The following HMGCS2 variants were observed in gnomAD, a reference collection of about 807,000 sequenced individuals.
HMGCS2 encodes the protein hydroxymethylglutaryl-CoA synthase, mitochondrial.
HMGCS2 carries 50 observed loss-of-function variants against 57.4 expected under a neutral mutation model. The ratio of observed to expected loss-of-function variants is 0.87; its 90% CI spans 0.69 to 1.10. HMGCS2 has a LOEUF of 1.10. Ranked by LOEUF, HMGCS2 falls within the 50% of genes least tolerant of loss-of-function variation. The pLI, the probability that HMGCS2 is intolerant of heterozygous loss-of-function variation, is 0.00. For synonymous variants in HMGCS2, 254 were observed against 245.1 expected (o/e 1.04, Z -0.34); for missense variants, 627 against 636.5 (o/e 0.99, Z 0.16).
chr1:119,764,019 A>G (rs915865958), intron 2 of HMGCS2, among the ~76,000 whole-genome samples, 153 bp downstream of exon 2: 3 of 152,198 alleles, frequency 2.0e-5, no homozygotes, highest in Non-Finnish European at 4.4e-5. Context: ...ATATAAGTCT[A>G]AGTGGTTATT....
At chr1:119,757,219 C>G (rs931627067) in intron 5 of HMGCS2, 54 bp downstream of exon 5, 18 of 1,612,962 alleles carry the variant, frequency 1.1e-5, no homozygotes, top group Non-Finnish European at 1.4e-5. Flanking sequence ...ATGAAGAAGC[C>G]TCCTTCTTGC....
At position 119,754,058 on chromosome 1, in the gene HMGCS2, ATT is replaced by A. The variant is rs35162300; in HGVS notation, c.1188-674_1188-673del. On this transcript the variant is annotated intron_variant, in intron 6 of 9. Coordinates refer to ENST00000369406, the MANE Select transcript of HMGCS2 (RefSeq NM_005518.4). The stretch of plus-strand genomic sequence containing the variant: ...AGGTGCAAGCTGCCACACCCAGCTA[ATT>A]TTTTTTTTTTTTTTGAGACAGAGTC... Among the ~76,000 whole-genome samples, 722 of 136,652 alleles carry A rather than the reference ATT, an allele frequency of 5.3e-3. 5 individuals are homozygous for A. Among genetic ancestry groups the A allele is most frequent in the East Asian group, 0.028 (132 of 4,648 alleles). The allele number at this position is 136,652 out of a possible 152,430, so 89.6% of individuals were successfully genotyped here. A position where few individuals can be genotyped will look rare whatever the true frequency, so the allele number is the denominator to read the frequency against.
In HMGCS2 at chr1:119,757,449, A is replaced by C; in HGVS notation, c.851-11T>G. 1 of 1,613,930 alleles carries C rather than the reference A, an allele frequency of 6.2e-7. No homozygotes were observed. Among genetic ancestry groups the C allele is most frequent in the South Asian group, 1.1e-5 (1 of 91,078 alleles). On this transcript the variant is annotated splice_polypyrimidine_tract_variant and intron_variant, in intron 4 of 9. Coordinates refer to ENST00000369406, the MANE Select transcript of HMGCS2 (RefSeq NM_005518.4). ...GTCGATCGCTGCCAGCTGGAAGAGG[A>C]AGCGTGAAGGCAAGGATGGGGCATG...
In HMGCS2 at chr1:119,750,827, C is replaced by G. The variant is rs372079931; in HGVS notation, c.1502G>C (p.Arg501Pro). Residue 501 changes from arginine to proline, a missense_variant, in exon 9 of 10, where the codon CGA becomes CCA. Coordinates refer to ENST00000369406, the MANE Select transcript of HMGCS2 (RefSeq NM_005518.4). Reference protein sequence around the residue: ...YLERVDEQHRRKYARRPV With the variant: ...YLERVDEQHRPKYARRPV Reference sequence around the variant, plus strand: ...TTAGACGGGACGCCGGGCATACTTTCGGCGATGCTGCTCGTCCACTCGCTC... The same window carrying G: ...TTAGACGGGACGCCGGGCATACTTTGGGCGATGCTGCTCGTCCACTCGCTC... 5.6e-6 allele frequency: 9 copies of G among 1,613,846 alleles called. No individual in the cohort carries two copies. The highest frequency in any genetic ancestry group is 4.5e-5 in the East Asian group (2 of 44,886).
At position 119,764,249 on chromosome 1, in the gene HMGCS2, T is replaced by A; in HGVS notation, c.482A>T (p.Asp161Val). 1 of 1,614,130 alleles carries A rather than the reference T, an allele frequency of 6.2e-7. No homozygotes were observed. The highest frequency in any genetic ancestry group is 1.3e-5 in the African/African-American group (1 of 75,058). ...ACCACCGTAGCAGGCATTGGTGGTA[T>A]CTATGCCCTCAATATCAGTATTGCC... is the stretch of plus-strand genomic sequence containing the variant. ...DSGNTDIEGI[D>V]TTNACYGGTA... Residue 161 changes from aspartate to valine, a missense_variant, in exon 2 of 10, where the codon GAT (aspartate) becomes GTT (valine). Coordinates refer to ENST00000369406, the MANE Select transcript of HMGCS2 (RefSeq NM_005518.4).
In HMGCS2 at chr1:119,752,657, A is replaced by T. The variant is rs587623606; in HGVS notation, c.1312T>A (p.Leu438Met). 2 of 1,613,942 alleles carry T rather than the reference A, an allele frequency of 1.2e-6. No individual in the cohort carries two copies. The highest frequency in any genetic ancestry group is 2.2e-5 in the East Asian group (1 of 44,892). The change falls in exon 8 of 10, where the codon TTG becomes ATG. Residue 438 changes from leucine (L) to methionine (M), a missense_variant. Leu to Met is a conservative substitution (Grantham distance 15, BLOSUM62 2). Transcript: ENST00000369406. Reference sequence around the variant, plus strand: ...GGCAGGTCTGATGTGCTGGACACCAACTTGTCCAGGGGAGAGCCTGGGAAG... The same window carrying T: ...GGCAGGTCTGATGTGCTGGACACCATCTTGTCCAGGGGAGAGCCTGGGAAG... The part of the protein sequence containing the change: ...DAAPGSPLDK[L>M]VSSTSDLPKR...
intron 8 of HMGCS2, 121 bp from the exon 9 acceptor site, chr1:119,751,029 C>A: frequency 1.4e-6 from 1 of 707,432 alleles, no homozygotes; most frequent in Non-Finnish European, 2.6e-6. Flanking sequence ...CTGTAAGGGG[C>A]TGCAAGGTCA....
rs35851230 is a variant in HMGCS2 at position 119,753,877 on chromosome 1, GT to G, written c.1188-492del. On this transcript the variant is annotated intron_variant, in intron 6 of 9. Transcript: ENST00000369406. Reference sequence around the variant, plus strand: ...CACCCATAAGCACTTTTTCCTGCCCGTTTTTTTTTTCTTTTTTTGGCAGAGT... The same window carrying G: ...CACCCATAAGCACTTTTTCCTGCCCGTTTTTTTTTCTTTTTTTGGCAGAGT... Among the ~76,000 whole-genome samples the G allele has an allele frequency of 7.1e-3, 1,048 of 148,348 alleles. 11 individuals carry two copies. Among genetic ancestry groups the G allele is most frequent in the African/African-American group, 0.024 (984 of 40,418 alleles).
At chr1:119,758,526 C>A (rs1215088590) in intron 4 of HMGCS2, among the ~76,000 whole-genome samples, 1 of 152,164 alleles carries the variant, frequency 6.6e-6, no homozygotes, top group Admixed American at 6.5e-5. Context: ...GCGTGAGCCA[C>A]CACTCCCTGC....
In HMGCS2 at chr1:119,752,767, G is replaced by A. The variant is rs994034184; in HGVS notation, c.1295-93C>T. 9 of 1,442,470 alleles carry A rather than the reference G, an allele frequency of 6.2e-6. No homozygotes were observed. In the African/African-American group the frequency reaches 1.1e-4, roughly 18 times the overall value. The allele number at this position is 1,442,470 out of a possible 1,614,324, so 89.4% of individuals were successfully genotyped here. A position where few individuals can be genotyped will look rare whatever the true frequency, so the allele number is the denominator to read the frequency against. ...CAACAGAGAGCCAGGTTCTGTGGGA[G>A]GTTACACCCTGGAGGAACGTGTGGT... is the stretch of plus-strand genomic sequence containing the variant. On this transcript the variant is annotated intron_variant, in intron 7 of 9. Coordinates refer to ENST00000369406, the MANE Select transcript of HMGCS2 (RefSeq NM_005518.4).
At chr1:119,764,991 TA>T (rs1191582310) in intron 1 of HMGCS2, among the ~76,000 whole-genome samples, 5 of 152,356 alleles carry the variant, frequency 3.3e-5, no homozygotes, top group African/African-American at 9.6e-5. Context: ...TTTAGTCCTT[TA>T]AAAAAATTTT....
rs75159436 is a variant in HMGCS2 at position 119,751,688 on chromosome 1, G to A, written c.1421-780C>T. On this transcript the variant is annotated intron_variant, in intron 8 of 9. Coordinates refer to ENST00000369406, the MANE Select transcript of HMGCS2 (RefSeq NM_005518.4). The stretch of plus-strand genomic sequence containing the variant: ...CTCCCAAAGGACTAGCATTACAGGC[G>A]TGAGCCACTGTGCCCTGCTCCATTT... Among the ~76,000 whole-genome samples, 826 of 152,218 alleles carry A rather than the reference G, an allele frequency of 5.4e-3. 11 individuals carry two copies. In the East Asian group the frequency reaches 0.075, roughly 14 times the overall value.
In HMGCS2 at chr1:119,768,841, G is replaced by A; in HGVS notation, c.4C>T (p.Gln2Ter). Reference sequence around the variant, plus strand: ...CGCTTCACTGGAGTCAACAGACGCTGCATCTCCAGAGGAGCAAGCAGAAAC... The same window carrying A: ...CGCTTCACTGGAGTCAACAGACGCTACATCTCCAGAGGAGCAAGCAGAAAC... M[Q>*]RLLTPVKRIL... The change falls in exon 1 of 10, where the codon CAG becomes TAG. Residue 2 changes from glutamine to a stop codon, truncating the protein, a stop_gained. Coordinates refer to ENST00000369406, the MANE Select transcript of HMGCS2 (RefSeq NM_005518.4). LOFTEE classifies it high-confidence loss of function. The A allele has an allele frequency of 1.2e-6, 2 of 1,611,950 alleles. No homozygotes were observed. The highest frequency in any genetic ancestry group is 1.7e-6 in the Non-Finnish European group (2 of 1,178,192).
rs1246669403 is a variant in HMGCS2, at chr1:119,764,374, G to A, written c.357C>T (p.Leu119=). 3 of 1,614,224 alleles carry A rather than the reference G, an allele frequency of 1.9e-6. No homozygotes were observed. The highest frequency in any genetic ancestry group is 2.5e-6 in the Non-Finnish European group (3 of 1,180,054). The change falls in exon 2 of 10, where the codon CTC becomes CTT. Residue 119 remains leucine (L), a synonymous_variant. Transcript: ENST00000369406. The part of the protein sequence containing the change: ...VVQRLMERIQ[L]PWDSVGRLEV... ...CCAGCCTGCCCACAGAGTCCCATGG[G>A]AGCTGTATGCGCTCCATCAGCCGTT... is the stretch of plus-strand genomic sequence containing the variant.
chr1:119,754,068 T>A (rs1027661110), intron 6 of HMGCS2, among the ~76,000 whole-genome samples: 1 of 151,342 alleles, frequency 6.6e-6, no homozygotes, highest in African/African-American at 2.4e-5. Context: ...ATTTTTTTTT[T>A]TTTTTTGAGA....
intron 8 of HMGCS2, among the ~76,000 whole-genome samples, chr1:119,751,687 C>A (rs955820759): frequency 1.3e-5 from 2 of 152,158 alleles, no homozygotes; most frequent in Non-Finnish European, 2.9e-5. Flanking sequence ...GCATTACAGG[C>A]GTGAGCCACT....
At chr1:119,759,621 C>T (rs1652966980) in intron 3 of HMGCS2, among the ~76,000 whole-genome samples, 1 of 152,230 alleles carries the variant, frequency 6.6e-6, no homozygotes, top group African/African-American at 2.4e-5. Flanking sequence ...CCATCATCTG[C>T]ACCACTCATT....
At position 119,753,348 on chromosome 1, in the gene HMGCS2, GC is replaced by G; in HGVS notation, c.1225del (p.Ala409ProfsTer8). ...AQELAGSRIG[A>X]FSYGSGLAAS... ...TGCTAAACCAGAGCCATAAGAGAAGGCACCAATCCTGGAGCCAGCCAGTTCT... is the reference window on the plus strand; with the variant it reads ...TGCTAAACCAGAGCCATAAGAGAAGGACCAATCCTGGAGCCAGCCAGTTCT... On this transcript the variant is annotated frameshift_variant, in exon 7 of 10. Coordinates refer to ENST00000369406, the MANE Select transcript of HMGCS2 (RefSeq NM_005518.4). LOFTEE classifies it high-confidence loss of function. The G allele has an allele frequency of 1.9e-6, 3 of 1,612,780 alleles. No homozygotes were observed. Among genetic ancestry groups the G allele is most frequent in the Non-Finnish European group, 2.5e-6 (3 of 1,179,560 alleles).
At chr1:119,749,653 C>T (rs1652584552) in intron 9 of HMGCS2, among the ~76,000 whole-genome samples, 1 of 152,138 alleles carries the variant, frequency 6.6e-6, no homozygotes, top group Non-Finnish European at 1.5e-5. Flanking sequence ...TGCCAATATC[C>T]CAGCGGTAAG....
Sources: allele counts gnomAD v4.1 joint callset (sites outside exome capture counted in the v4.1 genomes callset), GRCh38; gene constraint gnomAD v4.1.1; transcripts MANE v1.5; gene names NCBI Gene and HGNC (gene_info 2026-07-23, HGNC 2026-07-21).